Variants in GBF1 observed in about 807,000 individuals in gnomAD.
GBF1 encodes golgi brefeldin A resistant guanine nucleotide exchange factor 1.
A neutral mutation model predicts 210.5 loss-of-function variants in GBF1; 114 were observed. The observed-to-expected ratio is 0.54, with a 90% CI of 0.47 to 0.63. GBF1 has a LOEUF of 0.63. Ranked by LOEUF, GBF1 falls within the 30% of genes least tolerant of loss-of-function variation. GBF1 has a pLI of 0.00. For synonymous variants in GBF1, 850 were observed against 889.2 expected, an observed-to-expected ratio of 0.96 and a Z score of 0.78; for missense variants, 1,851 against 2,357.7, an observed-to-expected ratio of 0.79 and a Z score of 4.45.
At chr10:102,268,381 C>T (rs900494266) in intron 3 of GBF1, among the ~76,000 whole-genome samples, 1 of 152,202 alleles carries the variant, frequency 6.6e-6, no homozygotes, top group Admixed American at 6.5e-5. Context: ...AATAGTTTAG[C>T]TCTCAAAAAC....
Position 102,271,187 on chromosome 10 carries a change from G to A in GBF1, c.163+11071G>A, listed in dbSNP as rs992398560. On this transcript the variant is annotated intron_variant, in intron 3 of 39. Coordinates refer to ENST00000369983, the MANE Select transcript of GBF1 (RefSeq NM_001377137.1). Reference sequence around the variant, plus strand: ...CAAGTAGCTGGGACTACAGGCGCCCGCCACTGCGCCCGGCTAATTTTTTGT... The same window carrying A: ...CAAGTAGCTGGGACTACAGGCGCCCACCACTGCGCCCGGCTAATTTTTTGT... 2.6e-5 allele frequency among the ~76,000 whole-genome samples: 4 copies of A among 152,072 alleles called. No homozygotes were observed. In the East Asian group the frequency reaches 5.8e-4, roughly 22 times the overall value.
At chr10:102,305,067 A>T (rs1433196471) in intron 3 of GBF1, among the ~76,000 whole-genome samples, 1 of 152,082 alleles carries the variant, frequency 6.6e-6, no homozygotes, top group Non-Finnish European at 1.5e-5. Context: ...CAAAATAAAA[A>T]TTTTATGTAA....
At chr10:102,244,176 A>T (rs1188207627), upstream of GBF1, among the ~76,000 whole-genome samples, 1 of 152,196 alleles carries the variant, frequency 6.6e-6, no homozygotes, top group Non-Finnish European at 1.5e-5. Flanking sequence ...AAACAAAAAA[A>T]TAGCGCATCG....
intron 3 of GBF1, among the ~76,000 whole-genome samples, chr10:102,287,357 T>A (rs1236914282): frequency 1.5e-4 from 20 of 136,156 alleles, no homozygotes; most frequent in South Asian, 2.5e-4. Flanking sequence ...TTTTTTTTTT[T>A]TTTTTTTTTT....
intron 6 of GBF1, 75 bp from the exon 7 acceptor site, chr10:102,352,383 A>G: frequency 2.1e-6 from 2 of 969,052 alleles, no homozygotes; most frequent in Non-Finnish European, 3.4e-6. Context: ...TTTGGAGGGG[A>G]GTCTGCTCTG....
At chr10:102,297,371 T>A (rs558425091) in intron 3 of GBF1, among the ~76,000 whole-genome samples, 1 of 152,352 alleles carries the variant, frequency 6.6e-6, no homozygotes, top group South Asian at 2.1e-4. Flanking sequence ...CCAGGTCTAA[T>A]TGGGAAATAA....
At chr10:102,334,889 G>C (rs2057619534) in intron 3 of GBF1, among the ~76,000 whole-genome samples, 1 of 151,658 alleles carries the variant, frequency 6.6e-6, no homozygotes, top group Non-Finnish European at 1.5e-5. Flanking sequence ...CCATTTTGGA[G>C]AGGTCACCTC....
chr10:102,298,699 T>A (rs1482043324), intron 3 of GBF1, among the ~76,000 whole-genome samples: 1 of 152,196 alleles, frequency 6.6e-6, no homozygotes, highest in Non-Finnish European at 1.5e-5. Flanking sequence ...TTATCCCCAT[T>A]GTATAGAAGA....
At chr10:102,320,189 C>T (rs187311961) in intron 3 of GBF1, among the ~76,000 whole-genome samples, 35 of 152,178 alleles carry the variant, frequency 2.3e-4, no homozygotes, top group Admixed American at 1.6e-3. Context: ...AAGGTTTTAC[C>T]GGATATAGAA....
intron 3 of GBF1, among the ~76,000 whole-genome samples, chr10:102,312,160 G>A (rs1212228918): frequency 3.9e-5 from 6 of 152,060 alleles, no homozygotes; most frequent in African/African-American, 9.7e-5. Context: ...GCGTGGTGGC[G>A]CATGCCTGTA....
At chr10:102,364,848 C>T (rs11191270) in intron 17 of GBF1, among the ~76,000 whole-genome samples, 24,129 of 151,206 alleles carry the variant, frequency 0.16, 2,248 homozygotes, top group East Asian at 0.25. Flanking sequence ...AACTCCATCT[C>T]GGAAAAAGAA....
At chr10:102,370,093 GC>G in intron 26 of GBF1, 80 bp from the exon 27 acceptor site, 1 of 1,518,382 alleles carries the variant, frequency 6.6e-7, no homozygotes, top group Non-Finnish European at 9.1e-7. Context: ...GGCTGACTCT[GC>G]CCTCTCCCCC....
At chr10:102,324,239 C>T (rs933292766) in intron 3 of GBF1, among the ~76,000 whole-genome samples, 2 of 152,170 alleles carry the variant, frequency 1.3e-5, no homozygotes, top group African/African-American at 2.4e-5. Context: ...GGGCTAGAGT[C>T]TTTTCTCACA....
rs1367298313 is a variant in GBF1, at chr10:102,380,643, C to T, written c.5130C>T (p.Leu1710=). 6.2e-7 allele frequency: 1 copy of T among 1,613,876 alleles called. No homozygotes were observed. Among genetic ancestry groups the T allele is most frequent in the Non-Finnish European group, 8.5e-7 (1 of 1,179,864 alleles). Residue 1710 remains leucine, a synonymous_variant, in exon 38 of 40, where the codon CTC becomes CTT. Transcript: ENST00000369983. ...CCTGGGAACGCATTGACTGTTTTCTCCCTCACCTACGAGATGAACTCTTCA... is the reference window on the plus strand; with the variant it reads ...CCTGGGAACGCATTGACTGTTTTCTTCCTCACCTACGAGATGAACTCTTCA... ...EITWERIDCF[L]PHLRDELFKQ...
At chr10:102,379,206 G>A in intron 33 of GBF1, 78 bp from the exon 34 acceptor site, 1 of 1,400,682 alleles carries the variant, frequency 7.1e-7, no homozygotes, top group Non-Finnish European at 9.9e-7. Context: ...GACTTAGTTA[G>A]GGACAGTGAG....
intron 3 of GBF1, among the ~76,000 whole-genome samples, chr10:102,293,330 G>A (rs74155248): frequency 1.8e-4 from 27 of 152,238 alleles, no homozygotes; most frequent in African/African-American, 6.3e-4. Flanking sequence ...TGTGCTGCCA[G>A]TCATATAAAA....
Position 102,380,254 on chromosome 10 carries a change from C to T in GBF1, c.4884C>T (p.Phe1628=). The T allele has an allele frequency of 6.2e-7, 1 of 1,611,522 alleles. No individual in the cohort carries two copies. The highest frequency in any genetic ancestry group is 8.5e-7 in the Non-Finnish European group (1 of 1,177,648). ...MRASTLLSKV[F]LQHLSPLLSL... ...AGGGGGCTGGTGGGCCATAGGTCTT[C>T]CTGCAGCACCTGTCTCCACTGCTGT... The change falls in exon 37 of 40, where the codon TTC becomes TTT. Residue 1628 remains phenylalanine (F), a synonymous_variant. Transcript: ENST00000369983.
chr10:102,249,982 G>A (rs1001680381), intron 1 of GBF1, among the ~76,000 whole-genome samples: 4 of 152,008 alleles, frequency 2.6e-5, no homozygotes, highest in Admixed American at 1.3e-4. Context: ...GAGCCAATGC[G>A]CCCAGCCTTC....
chr10:102,250,683 G>A (rs757118851), intron 1 of GBF1, among the ~76,000 whole-genome samples: 7 of 152,080 alleles, frequency 4.6e-5, no homozygotes, highest in Admixed American at 4.6e-4. Context: ...GAGGCCGGGC[G>A]TGGTAGCTCA....
Sources: gnomAD v4.1 joint callset for allele counts (sites outside exome capture counted in the v4.1 genomes callset) on GRCh38, gnomAD v4.1.1 for gene constraint, MANE v1.5 for transcripts, NCBI Gene and HGNC (gene_info 2026-07-23, HGNC 2026-07-21) for gene names.